RYR2: variants seen among roughly 807,000 people sequenced by gnomAD.
RYR2 encodes the protein cardiac muscle ryanodine receptor-calcium release channel.
RYR2 carries 227 observed loss-of-function variants against 601.1 expected under a neutral mutation model. That is an observed-to-expected ratio of 0.38 (90% CI 0.34 to 0.42). The LOEUF is 0.42. RYR2 is among the 10% of genes least tolerant of loss of function. The pLI, the probability that RYR2 is intolerant of heterozygous loss-of-function variation, is 1.00. For synonymous variants in RYR2, 2,223 were observed against 2,175.1 expected (o/e 1.02, Z -0.61); for missense variants, 4,646 against 6,156.5 (o/e 0.75, Z 8.21).
chr1:237,701,254 G>T (rs1687943346), intron 65 of RYR2, among the ~76,000 whole-genome samples: 1 of 152,170 alleles, frequency 6.6e-6, no homozygotes, highest in Non-Finnish European at 1.5e-5. Flanking sequence ...GCTTAGTCCG[G>T]GTGCAGTGGC....
chr1:237,596,450 A>G (rs1475240222), intron 34 of RYR2, among the ~76,000 whole-genome samples: 2 of 152,192 alleles, frequency 1.3e-5, no homozygotes, highest in African/African-American at 4.8e-5. Flanking sequence ...GATCAAGCAT[A>G]AGAAAGACTT....
At position 237,412,816 on chromosome 1, in the gene RYR2, C is replaced by A. The variant is rs191068607; in HGVS notation, c.774-4233C>A. Among the ~76,000 whole-genome samples, 9 of 152,250 alleles carry A rather than the reference C, an allele frequency of 5.9e-5. No homozygotes were observed. The East Asian group carries it at 1.7e-3, about 29-fold the overall frequency. On this transcript the variant is annotated intron_variant, in intron 10 of 104. Transcript: ENST00000366574. ...AGAATCTTTCTCCCTTTTCAGTCAT[C>A]CAGCTGGAAAGGGCATTTGCTCTGA...
At chr1:237,604,705 A>C (rs2148527256) in intron 35 of RYR2, among the ~76,000 whole-genome samples, 1 of 152,316 alleles carries the variant, frequency 6.6e-6, no homozygotes, top group South Asian at 2.1e-4. Context: ...AGAGAGAAGA[A>C]TCAAATAGAT....
intron 1 of RYR2, among the ~76,000 whole-genome samples, chr1:237,224,157 T>C (rs1684112489): frequency 6.6e-6 from 1 of 152,226 alleles, no homozygotes; most frequent in Non-Finnish European, 1.5e-5. Context: ...GTGGAATTTT[T>C]TCAATGAATA....
chr1:237,514,584 C>G (rs1666233944), intron 24 of RYR2, among the ~76,000 whole-genome samples: 1 of 152,140 alleles, frequency 6.6e-6, no homozygotes, highest in South Asian at 2.1e-4. Context: ...ATGCCCAATT[C>G]CAAGGGTTTA....
intron 26 of RYR2, among the ~76,000 whole-genome samples, chr1:237,550,230 A>G (rs1339482656): frequency 1.3e-5 from 2 of 152,218 alleles, no homozygotes; most frequent in African/African-American, 2.4e-5. Flanking sequence ...CTCAGAAGTT[A>G]TATGTTCTCT....
chr1:237,353,969 C>T lies in RYR2; in HGVS notation c.274-1996C>T, dbSNP rs189928220. The stretch of plus-strand genomic sequence containing the variant: ...CCATTTGAATCATTCTCCTTTTCAC[C>T]GTTTGCAGGAATTTAAATGATTCTT... On this transcript the variant is annotated intron_variant, in intron 3 of 104. Transcript: ENST00000366574. Among the ~76,000 whole-genome samples the T allele has an allele frequency of 2.8e-3, 421 of 152,200 alleles. 1 individual carries two copies. Among genetic ancestry groups the T allele is most frequent in the African/African-American group, 9.3e-3 (387 of 41,530 alleles).
intron 17 of RYR2, among the ~76,000 whole-genome samples, chr1:237,478,790 A>AC (rs10559702): frequency 6.6e-6 from 1 of 151,094 alleles, no homozygotes; most frequent in Non-Finnish European, 1.5e-5. Flanking sequence ...GCCTTAAGGG[A>AC]CCCCCCTACC....
At chr1:237,642,546 G>A (rs889847407) in intron 47 of RYR2, among the ~76,000 whole-genome samples, 2 of 152,066 alleles carry the variant, frequency 1.3e-5, no homozygotes, top group Non-Finnish European at 2.9e-5. Context: ...TATATTAATG[G>A]GGGAAAACTA....
At position 237,550,637 on chromosome 1, in the gene RYR2, G is replaced by C. The variant is rs1670294201; in HGVS notation, c.3160G>C (p.Val1054Leu). The change falls in exon 27 of 105, where the codon GTG becomes CTG. Residue 1054 changes from valine to leucine, a missense_variant. Val to Leu is a conservative substitution (Grantham distance 32). Transcript: ENST00000366574. ...CAACAAGGACAGCCTCCGCGAGGCTGTGCGCACGCTGCTGGGGTACGGCTA... is the reference window on the plus strand; with the variant it reads ...CAACAAGGACAGCCTCCGCGAGGCTCTGCGCACGCTGCTGGGGTACGGCTA... ...KSNKDSLREAVRTLLGYGYNL... is the reference protein window; with the variant it reads ...KSNKDSLREALRTLLGYGYNL... The C allele has an allele frequency of 6.3e-7, 1 of 1,583,360 alleles. No individual in the cohort carries two copies. The highest frequency in any genetic ancestry group is 8.6e-7 in the Non-Finnish European group (1 of 1,164,118).
At chr1:237,585,225 T>C (rs908948571) in intron 29 of RYR2, among the ~76,000 whole-genome samples, 6 of 152,192 alleles carry the variant, frequency 3.9e-5, no homozygotes, top group African/African-American at 9.6e-5. Context: ...AGCATGGGCA[T>C]TGGGATCCAC....
chr1:237,360,628 G>A (rs903473552), intron 4 of RYR2, among the ~76,000 whole-genome samples: 11 of 152,040 alleles, frequency 7.2e-5, no homozygotes, highest in East Asian at 1.9e-4. Context: ...CAAATCTGCC[G>A]AAAAATAGAA....
In RYR2 at chr1:237,614,337, A is replaced by C; in HGVS notation, c.5209A>C (p.Thr1737Pro). 2 of 1,614,012 alleles carry C rather than the reference A, an allele frequency of 1.2e-6. No homozygotes were observed. The highest frequency in any genetic ancestry group is 1.7e-6 in the Non-Finnish European group (2 of 1,179,908). The stretch of plus-strand genomic sequence containing the variant: ...CATGACGGAGGAGACGAAGAGCATC[A>C]CCCTGTTCCCTGATGAGAACAAAAA... ...VPMTEETKSI[T>P]LFPDENKKHG... The change falls in exon 37 of 105, where the codon ACC (threonine) becomes CCC (proline). Residue 1737 changes from threonine (T) to proline (P), a missense_variant. Physicochemically the swap from Thr to Pro is conservative, Grantham distance 38 (BLOSUM62 -1). Around this residue, in one of 17 missense-constraint regions of RYR2, gnomAD observed 1,807 missense variants for 2,088.1 expected, o/e 0.87. Transcript: ENST00000366574. This position sits in a 1 kb window ranked among gnomAD's most constrained non-coding sequence, Gnocchi z 4.3.
chr1:237,345,467 T>TAAAAAAAAAAAAAAAAAAAAA (rs1332928390), intron 3 of RYR2, among the ~76,000 whole-genome samples: 1 of 143,950 alleles, frequency 6.9e-6, no homozygotes. Context: ...AAATAAAAAA[T>TAAAAAAAAAAAAAAAAAAAAA]AAAAAATAAA....
At chr1:237,714,348 C>T (rs977140705) in intron 71 of RYR2, among the ~76,000 whole-genome samples, 5 of 152,118 alleles carry the variant, frequency 3.3e-5, no homozygotes, top group South Asian at 2.1e-4. Context: ...ACTTAGAAAA[C>T]GTACGAGAGA....
At chr1:237,535,031 A>G (rs1174091352) in intron 25 of RYR2, among the ~76,000 whole-genome samples, 2 of 151,988 alleles carry the variant, frequency 1.3e-5, no homozygotes, top group Non-Finnish European at 2.9e-5. Context: ...CTCATTATTA[A>G]CTATATTAAC....
At position 237,408,407 on chromosome 1, in the gene RYR2, A is replaced by ATATATATATATATATATATATATATATAT. The variant is rs56317247; in HGVS notation, c.774-8642_774-8641insTATATATATATATATATATATATATATAT. 2.5e-3 allele frequency among the ~76,000 whole-genome samples: 333 copies of ATATATATATATATATATATATATATATAT among 132,740 alleles called. 17 individuals carry two copies. Among genetic ancestry groups the ATATATATATATATATATATATATATATAT allele is most frequent in the African/African-American group, 6.6e-3 (202 of 30,558 alleles). 87.1% of individuals were successfully genotyped at this position (132,740 alleles called of 152,430 possible). A position where few individuals can be genotyped will look rare whatever the true frequency, so the allele number is the denominator to read the frequency against. ...TCTAGATTCTTTATATATATATATAAATGGATATCCAGTCTTTTCAGTACT... is the reference window on the plus strand; with the variant it reads ...TCTAGATTCTTTATATATATATATAATATATATATATATATATATATATATATATATGGATATCCAGTCTTTTCAGTACT... On this transcript the variant is annotated intron_variant, in intron 10 of 104. Transcript: ENST00000366574.
intron 17 of RYR2, among the ~76,000 whole-genome samples, chr1:237,472,842 G>A: frequency 6.6e-6 from 1 of 152,098 alleles, no homozygotes; most frequent in Non-Finnish European, 1.5e-5. Flanking sequence ...TCAAATTAGA[G>A]GAAAGAAAAA....
At chr1:237,828,551 G>A (rs1324739315) in intron 102 of RYR2, 106 bp downstream of exon 102, 11 of 717,900 alleles carry the variant, frequency 1.5e-5, no homozygotes, top group South Asian at 6.7e-5. Flanking sequence ...GAGGGGGAAG[G>A]GCACAACTTG....
Sources: gnomAD v4.1 joint callset for allele counts (sites outside exome capture counted in the v4.1 genomes callset) on GRCh38, gnomAD v4.1.1 for gene constraint, gnomAD v4.1.1 regional missense constraint, Gnocchi (gnomAD v3.1) non-coding constraint, MANE v1.5 for transcripts, NCBI Gene and HGNC (gene_info 2026-07-23, HGNC 2026-07-21) for gene names.